The following MCRIP1 variants were observed in gnomAD, a reference collection of about 807,000 sequenced individuals.
The protein encoded by MCRIP1 is MAPK regulated corepressor interacting protein 1, also known as mapk-regulated corepressor-interacting protein 1.
Under a neutral mutation model 14.4 loss-of-function variants are expected in MCRIP1, and 10 were observed. The observed-to-expected ratio is 0.70, with a 90% confidence interval of 0.43 to 1.18. The LOEUF (loss-of-function observed/expected upper bound fraction) is 1.18, where lower values mean the gene tolerates loss of function less well. MCRIP1 is among the 50% of genes most tolerant of loss of function. The pLI is 0.00. For missense variants in MCRIP1, 119 were observed against 135.4 expected, an observed-to-expected ratio of 0.88 and a Z score of 0.60; for synonymous variants, 53 against 55.7, an observed-to-expected ratio of 0.95 and a Z score of 0.21.
At chr17:81,830,173 T>A (rs1014700951) in intron 1 of MCRIP1, among the ~76,000 whole-genome samples, 22 of 152,156 alleles carry the variant, frequency 1.4e-4, no homozygotes, top group African/African-American at 5.3e-4. Flanking sequence ...AGCCTCAGCA[T>A]CCTCATTCAA....
At chr17:81,824,837 G>C (rs181822428) in intron 1 of MCRIP1, 161 of 1,315,722 alleles carry the variant, frequency 1.2e-4, no homozygotes, top group Non-Finnish European at 1.5e-4. Context: ...CACGTCTCAG[G>C]CTCAGACGTG....
rs1158630667 is a variant in MCRIP1, at chr17:81,822,393, C to G, written c.*854G>C. 6.6e-6 allele frequency: 1 copy of G among 152,388 alleles called. No homozygotes were observed. The allele number at this position is 152,388 out of a possible 1,614,324, so 9.4% of individuals were successfully genotyped here. On this transcript the variant is annotated 3_prime_UTR_variant, in exon 5 of 5. Transcript: ENST00000455127. ...GCATGTGTGCCGCAGGGGCAGAGGCCTGACAGACCACCAAGAGGCCACGCC... is the reference window on the plus strand; with the variant it reads ...GCATGTGTGCCGCAGGGGCAGAGGCGTGACAGACCACCAAGAGGCCACGCC...
intron 1 of MCRIP1, among the ~76,000 whole-genome samples, chr17:81,827,454 G>A (rs1413557084): frequency 6.6e-6 from 1 of 151,612 alleles, no homozygotes; most frequent in African/African-American, 2.4e-5. Context: ...TGTATTATTA[G>A]TAGAGACGGG....
At chr17:81,826,354 T>A (rs1406795766) in intron 1 of MCRIP1, 2 of 1,535,358 alleles carry the variant, frequency 1.3e-6, no homozygotes, top group Admixed American at 3.9e-5. Context: ...CCCACACACA[T>A]GCGGCACACA....
chr17:81,827,775 CATTT>C lies in MCRIP1; in HGVS notation c.-48-3225_-48-3222del, dbSNP rs1457089329. 4.2e-3 allele frequency among the ~76,000 whole-genome samples: 560 copies of C among 134,582 alleles called. 5 individuals are homozygous for C. The highest frequency in any genetic ancestry group is 0.015 in the African/African-American group (539 of 34,848). 88.3% of individuals were successfully genotyped at this position (134,582 alleles called of 152,430 possible). On this transcript the variant is annotated intron_variant, in intron 1 of 4. Coordinates refer to ENST00000455127, the MANE Select transcript of MCRIP1 (RefSeq NM_207368.5). Reference sequence around the variant, plus strand: ...TATATACACCTATTGTGCACCCATACATTTTTTTTTTTTTTTTTTTTTTGAGATG... The same window carrying C: ...TATATACACCTATTGTGCACCCATACTTTTTTTTTTTTTTTTTTTGAGATG...
chr17:81,824,155 TG>T, intron 3 of MCRIP1, 131 bp downstream of exon 3: 2 of 748,666 alleles, frequency 2.7e-6, no homozygotes, highest in Non-Finnish European at 4.5e-6. Context: ...GACACAGTGA[TG>T]GGGCTATCTG....
intron 1 of MCRIP1, 26 bp downstream of exon 1, chr17:81,833,193 CCCGCCCCGCCCCGTCCCCG>C (rs1401978938): frequency 6.8e-6 from 1 of 146,624 alleles, no homozygotes; most frequent in Non-Finnish European, 1.5e-5. Flanking sequence ...CCGCGCCCGC[CCCGCCCCGCCCCGTCCCCG>C]CCGCCCGGCG....
At chr17:81,831,402 CAAAAA>C (rs577541495) in intron 1 of MCRIP1, among the ~76,000 whole-genome samples, 4 of 67,792 alleles carry the variant, frequency 5.9e-5, no homozygotes, top group Admixed American at 3.6e-4. Context: ...TCTCTGCCCT[CAAAAA>C]AAAAAAAAAA....
chr17:81,830,119 C>T (rs1454690171), intron 1 of MCRIP1, among the ~76,000 whole-genome samples: 1 of 152,100 alleles, frequency 6.6e-6, no homozygotes, highest in Non-Finnish European at 1.5e-5. Flanking sequence ...GCCTACTGGG[C>T]TGCAGGTATT....
chr17:81,825,310 C>T (rs186184064), intron 1 of MCRIP1: 65 of 1,135,656 alleles, frequency 5.7e-5, no homozygotes, highest in Non-Finnish European at 5.7e-5. Context: ...GAGGCTCAGA[C>T]GCTCACACTG....
At chr17:81,824,094 TAC>T (rs2038331964) in intron 3 of MCRIP1, among the ~76,000 whole-genome samples, 191 bp downstream of exon 3, 1 of 152,124 alleles carries the variant, frequency 6.6e-6, no homozygotes, top group Non-Finnish European at 1.5e-5. Context: ...GTCTCCTCTC[TAC>T]ACAAGGTCCC....
At position 81,823,624 on chromosome 17, in the gene MCRIP1, A is replaced by G; in HGVS notation, c.128-111T>C. The stretch of plus-strand genomic sequence containing the variant: ...GCCCTCCCAGATCCTCTTCTCCCTC[A>G]GAAGTGTCCTCCATGCTCCCCCACA... On this transcript the variant is annotated intron_variant, in intron 3 of 4. Transcript: ENST00000455127. The surrounding 1 kb of genome is among the most constrained non-coding windows in gnomAD (Gnocchi z 6.0). 3.0e-5 allele frequency: 27 copies of G among 888,094 alleles called. No individual in the cohort carries two copies. In the South Asian group the frequency reaches 4.2e-4, roughly 14 times the overall value. 55.0% of individuals were successfully genotyped at this position (888,094 alleles called of 1,614,324 possible).
chr17:81,825,668 G>C (rs906312761), intron 1 of MCRIP1: 2 of 1,289,214 alleles, frequency 1.6e-6, no homozygotes, highest in African/African-American at 3.0e-5. Context: ...CCAGCAAAGA[G>C]CAGAAAACCA....
intron 1 of MCRIP1, chr17:81,825,943 C>T (rs1459047092): frequency 1.5e-6 from 2 of 1,302,982 alleles, no homozygotes; most frequent in African/African-American, 1.5e-5. Flanking sequence ...AAAGGCAGAG[C>T]TCAGGTAACA....
chr17:81,825,855 G>A (rs2038380503), intron 1 of MCRIP1: 1 of 1,289,928 alleles, frequency 7.8e-7, no homozygotes. Flanking sequence ...ACGAACACCA[G>A]AGCACGGAGG....
chr17:81,828,652 C>T (rs947550913), intron 1 of MCRIP1, among the ~76,000 whole-genome samples: 4 of 152,088 alleles, frequency 2.6e-5, no homozygotes, highest in Non-Finnish European at 2.9e-5. Flanking sequence ...ACAGCCCCCA[C>T]GCAGAGACGG....
chr17:81,827,562 C>T (rs147986593), intron 1 of MCRIP1, among the ~76,000 whole-genome samples: 8 of 151,836 alleles, frequency 5.3e-5, no homozygotes, highest in Non-Finnish European at 1.2e-4. Flanking sequence ...TGAGCCACCA[C>T]GCCCGGCCGG....
intron 1 of MCRIP1, chr17:81,825,274 G>A (rs571819700): frequency 3.4e-5 from 38 of 1,104,692 alleles, no homozygotes; most frequent in Non-Finnish European, 3.8e-5. Context: ...GGGAATCCAC[G>A]GCTCTGGAAA....
In MCRIP1 at chr17:81,823,619, C is replaced by A; in HGVS notation, c.128-106G>T. On this transcript the variant is annotated intron_variant, in intron 3 of 4. Transcript: ENST00000455127. The surrounding 1 kb of genome is among the most constrained non-coding windows in gnomAD (Gnocchi z 6.0). ...CTCCTGCCCTCCCAGATCCTCTTCT[C>A]CCTCAGAAGTGTCCTCCATGCTCCC... 2.2e-6 allele frequency: 2 copies of A among 926,850 alleles called. No individual in the cohort carries two copies. Among genetic ancestry groups the A allele is most frequent in the South Asian group, 3.1e-5 (2 of 65,462 alleles). The allele number at this position is 926,850 out of a possible 1,614,324, so 57.4% of individuals were successfully genotyped here.
Sources: allele counts gnomAD v4.1 joint callset (sites outside exome capture counted in the v4.1 genomes callset), GRCh38; gene constraint gnomAD v4.1.1; non-coding constraint Gnocchi (gnomAD v3.1); transcripts MANE v1.5; gene names NCBI Gene and HGNC (gene_info 2026-07-23, HGNC 2026-07-21).